Variants in DYNC2H1 observed in about 807,000 individuals in gnomAD.
DYNC2H1 encodes the protein dynein cytoplasmic 2 heavy chain 1, also known as cytoplasmic dynein 2 heavy chain 1.
DYNC2H1 carries 410 observed loss-of-function variants against 570.0 expected under a neutral mutation model. That is an observed-to-expected ratio of 0.72 (90% CI 0.66 to 0.78). The LOEUF (loss-of-function observed/expected upper bound fraction) is 0.78, where lower values mean the gene tolerates loss of function less well. Ranked by LOEUF, DYNC2H1 falls within the 30% of genes least tolerant of loss-of-function variation. The pLI, the probability that DYNC2H1 is intolerant of heterozygous loss-of-function variation, is 0.00. For synonymous variants in DYNC2H1, 1,688 were observed against 1,677.6 expected, an observed-to-expected ratio of 1.01 and a Z score of -0.15; for missense variants, 4,865 against 5,046.4, an observed-to-expected ratio of 0.96 and a Z score of 1.09.
chr11:103,420,540 C>A (rs1383829277), intron 84 of DYNC2H1, among the ~76,000 whole-genome samples: 1 of 152,146 alleles, frequency 6.6e-6, no homozygotes, highest in Non-Finnish European at 1.5e-5. Flanking sequence ...TCAGCAGAAA[C>A]CCTACAAGCC....
intron 6 of DYNC2H1, among the ~76,000 whole-genome samples, chr11:103,118,355 T>TTATTAATTTATTAAAAAACTGTTA (rs1858523669): frequency 1.3e-5 from 2 of 151,674 alleles, no homozygotes; most frequent in Non-Finnish European, 2.9e-5. Flanking sequence ...TAGAGACTTT[T>TTATTAATTTATTAAAAAACTGTTA]TTAAAAAAAA....
chr11:103,332,854 T>C (rs1166973135), intron 82 of DYNC2H1, among the ~76,000 whole-genome samples: 1 of 151,948 alleles, frequency 6.6e-6, no homozygotes, highest in African/African-American at 2.4e-5. Flanking sequence ...ATATAAAAAA[T>C]TAGCCAGGTG....
intron 50 of DYNC2H1, among the ~76,000 whole-genome samples, chr11:103,200,664 A>G (rs1443481463): frequency 6.6e-6 from 1 of 152,198 alleles, no homozygotes; most frequent in Non-Finnish European, 1.5e-5. Context: ...ATGAATATAC[A>G]TATACTCCAG....
At chr11:103,463,805 G>A (rs945270019) in intron 87 of DYNC2H1, among the ~76,000 whole-genome samples, 1 of 152,124 alleles carries the variant, frequency 6.6e-6, no homozygotes, top group Non-Finnish European at 1.5e-5. Flanking sequence ...TTGAGTTTAT[G>A]GCATTATAGA....
chr11:103,425,611 A>T (rs1414724487), intron 84 of DYNC2H1, among the ~76,000 whole-genome samples: 3 of 152,182 alleles, frequency 2.0e-5, no homozygotes, highest in Admixed American at 1.3e-4. Flanking sequence ...ATTGTAAAAT[A>T]ATATGAAAAG....
chr11:103,144,640 C>G (rs544970852), intron 18 of DYNC2H1, among the ~76,000 whole-genome samples: 1 of 152,132 alleles, frequency 6.6e-6, no homozygotes, highest in Non-Finnish European at 1.5e-5. Context: ...GGAGATGATC[C>G]TGGAAAGGTG....
chr11:103,147,458 GAGA>G (rs2134850062), intron 18 of DYNC2H1, among the ~76,000 whole-genome samples: 1 of 152,100 alleles, frequency 6.6e-6, no homozygotes, highest in South Asian at 2.1e-4. Flanking sequence ...GCTGTGACAA[GAGA>G]AGCTCATTAA....
intron 84 of DYNC2H1, among the ~76,000 whole-genome samples, chr11:103,412,124 C>T (rs1943113106): frequency 6.6e-6 from 1 of 152,032 alleles, no homozygotes; most frequent in Admixed American, 6.6e-5. Flanking sequence ...AGTACTACCC[C>T]ATTTATTTCA....
In DYNC2H1 at chr11:103,256,737, C is replaced by T. The variant is rs1865072115; in HGVS notation, c.10461+497C>T. 6.6e-6 allele frequency among the ~76,000 whole-genome samples: 1 copy of T among 152,174 alleles called. No individual in the cohort carries two copies. Among genetic ancestry groups the T allele is most frequent in the Non-Finnish European group, 1.5e-5 (1 of 68,040 alleles). ...TCATCTTCTCTACCTCTAGTTCCAT[C>T]AGTGTTCTTATTGTCACCAATCCTA... On this transcript the variant is annotated intron_variant, in intron 68 of 88. Transcript: ENST00000375735. The surrounding 1 kb of genome is among the most constrained non-coding windows in gnomAD (Gnocchi z 4.0).
intron 84 of DYNC2H1, among the ~76,000 whole-genome samples, chr11:103,434,260 A>G (rs1042003911): frequency 2.0e-5 from 3 of 152,152 alleles, no homozygotes; most frequent in Middle Eastern, 3.4e-3. Context: ...TTTGCTATGA[A>G]TCTCATTGAG....
chr11:103,441,669 G>A (rs1301799716), intron 85 of DYNC2H1, among the ~76,000 whole-genome samples: 2 of 152,070 alleles, frequency 1.3e-5, no homozygotes, highest in African/African-American at 4.8e-5. Context: ...TCAAGATTTA[G>A]CTTCCTGAGA....
chr11:103,263,356 C>T (rs1353575383), intron 70 of DYNC2H1, among the ~76,000 whole-genome samples: 1 of 152,046 alleles, frequency 6.6e-6, no homozygotes, highest in African/African-American at 2.4e-5. Flanking sequence ...ACCAAGCGGA[C>T]CTAACTCCAC....
At chr11:103,159,067 T>G (rs1340327146) in intron 28 of DYNC2H1, 40 bp downstream of exon 28, 3 of 1,509,140 alleles carry the variant, frequency 2.0e-6, no homozygotes, top group South Asian at 1.2e-5. Context: ...TTATTGAGTT[T>G]CAACTGTCTG....
Position 103,235,702 on chromosome 11 carries a change from C to T in DYNC2H1, c.9598C>T (p.Leu3200Phe), listed in dbSNP as rs545109919. 1.2e-6 allele frequency: 2 copies of T among 1,610,302 alleles called. No homozygotes were observed. The highest frequency in any genetic ancestry group is 2.2e-5 in the South Asian group (2 of 90,712). Residue 3200 changes from leucine (L) to phenylalanine (F), a missense_variant, in exon 62 of 89, where the codon CTT becomes TTT. Transcript: ENST00000375735. ...AGAGATAACAGAGGAATTAGCTACT[C>T]TTCCTAAAAGAGCTCAACTTGCTGC... ...VVEITEELAT[L>F]PKRAQLAAAF...
intron 79 of DYNC2H1, among the ~76,000 whole-genome samples, chr11:103,313,755 G>A (rs1478520761): frequency 6.6e-6 from 1 of 152,188 alleles, no homozygotes; most frequent in African/African-American, 2.4e-5. Flanking sequence ...TTAACACAGT[G>A]TCTGATTTGT....
intron 87 of DYNC2H1, among the ~76,000 whole-genome samples, chr11:103,459,532 G>C (rs994326430): frequency 2.6e-5 from 4 of 152,028 alleles, no homozygotes; most frequent in African/African-American, 7.3e-5. Context: ...CCTATAATAG[G>C]AGAGGCACTG....
intron 83 of DYNC2H1, among the ~76,000 whole-genome samples, chr11:103,387,763 C>T (rs1054253410): frequency 3.9e-5 from 6 of 152,164 alleles, no homozygotes; most frequent in African/African-American, 1.4e-4. Context: ...ATAGGGAATC[C>T]TTTCCCCATT....
chr11:103,197,603 A>G lies in DYNC2H1; in HGVS notation c.7709-330A>G, dbSNP rs535016539. Among the ~76,000 whole-genome samples the G allele has an allele frequency of 5.3e-5, 8 of 152,212 alleles. No homozygotes were observed. In the South Asian group the frequency reaches 1.7e-3, roughly 32 times the overall value. ...GCTAGGACCACAGGTGCGTGCCACC[A>G]CACCTGGCTAATTTTTAAATTTTTT... On this transcript the variant is annotated intron_variant, in intron 47 of 88. Coordinates refer to ENST00000375735, the MANE Select transcript of DYNC2H1 (RefSeq NM_001377.3).
intron 36 of DYNC2H1, among the ~76,000 whole-genome samples, chr11:103,175,041 A>G (rs993144976): frequency 5.3e-5 from 8 of 152,056 alleles, no homozygotes; most frequent in Non-Finnish European, 8.8e-5. Flanking sequence ...TAACTCATTT[A>G]TTTAGCTCAA....
Sources: allele counts gnomAD v4.1 joint callset (sites outside exome capture counted in the v4.1 genomes callset), GRCh38; gene constraint gnomAD v4.1.1; non-coding constraint Gnocchi (gnomAD v3.1); transcripts MANE v1.5; gene names NCBI Gene and HGNC (gene_info 2026-07-23, HGNC 2026-07-21).